Variants in RLN2 observed in about 807,000 individuals in gnomAD.
RLN2 encodes relaxin 2.
Under a neutral mutation model 7.3 loss-of-function variants are expected in RLN2, and 10 were observed. The ratio of observed to expected loss-of-function variants is 1.36; its 90% CI spans 0.84 to 2.31. The LOEUF is 2.31. Ranked by LOEUF, RLN2 falls within the 30% of genes most tolerant of loss-of-function variation. The probability of loss-of-function intolerance (pLI) is 0.00; values close to 1 mark genes in which losing one functional copy is unlikely to be tolerated. For missense variants in RLN2, 298 were observed against 217.6 expected (o/e 1.37, Z -2.32); for synonymous variants, 103 against 82.3 (o/e 1.25, Z -1.36).
chr9:5,316,836 A>G, the RLN2 span, among the ~76,000 whole-genome samples: 1 of 152,056 alleles, frequency 6.6e-6, no homozygotes, highest in African/African-American at 2.4e-5. Context: ...GTCAAATGGT[A>G]TTTCTGGTTC....
At chr9:5,317,357 CAGG>C in the RLN2 span, among the ~76,000 whole-genome samples, 1 of 151,066 alleles carries the variant, frequency 6.6e-6, no homozygotes, top group Non-Finnish European at 1.5e-5. Context: ...GAGGCTGAAA[CAGG>C]AGAATTGCTT....
At chr9:5,310,537 T>G in the RLN2 span, among the ~76,000 whole-genome samples, 1 of 152,032 alleles carries the variant, frequency 6.6e-6, no homozygotes, top group African/African-American at 2.4e-5. Context: ...CCCCCAATCG[T>G]GCATGGCTCC....
At chr9:5,316,507 G>T in the RLN2 span, among the ~76,000 whole-genome samples, 10 of 151,874 alleles carry the variant, frequency 6.6e-5, no homozygotes, top group African/African-American at 2.4e-4. Flanking sequence ...TGTTCTCATT[G>T]TTCAATTCCC....
chr9:5,306,955 C>A (rs540805727), upstream of RLN2, among the ~76,000 whole-genome samples: 4 of 151,996 alleles, frequency 2.6e-5, no homozygotes, highest in African/African-American at 9.7e-5. Context: ...TCTGGGAAAG[C>A]CTTTATTTCC....
At chr9:5,305,426 G>C (rs905159934), upstream of RLN2, among the ~76,000 whole-genome samples, 10 of 142,932 alleles carry the variant, frequency 7.0e-5, no homozygotes, top group African/African-American at 1.6e-4. Flanking sequence ...GAGAGAGAGA[G>C]AAGAAAAAAA....
upstream of RLN2, among the ~76,000 whole-genome samples, chr9:5,306,156 G>T (rs1413966239): frequency 6.8e-6 from 1 of 146,962 alleles, no homozygotes; most frequent in Non-Finnish European, 1.5e-5. Context: ...TCGCCAGGCT[G>T]GAGTGCAATG....
the RLN2 span, among the ~76,000 whole-genome samples, chr9:5,327,115 G>C: frequency 6.6e-6 from 1 of 152,046 alleles, no homozygotes; most frequent in African/African-American, 2.4e-5. Flanking sequence ...GGAAATGCAA[G>C]GTTGGGGAGG....
At chr9:5,335,622 A>C in the RLN2 span, 1 of 1,487,584 alleles carries the variant, frequency 6.7e-7, no homozygotes, top group Non-Finnish European at 9.3e-7. Context: ...AAAAAAGTGT[A>C]TGTGAAGGCG....
At chr9:5,300,719 G>C (rs535351732) in intron 1 of RLN2, among the ~76,000 whole-genome samples, 3 of 152,158 alleles carry the variant, frequency 2.0e-5, no homozygotes, top group East Asian at 1.9e-4. Flanking sequence ...TAGTACTTTT[G>C]ACTCTCCCTG....
the RLN2 span, among the ~76,000 whole-genome samples, chr9:5,331,488 T>C: frequency 1.3e-5 from 2 of 151,874 alleles, no homozygotes; most frequent in Non-Finnish European, 2.9e-5. Flanking sequence ...TATGCAGCCA[T>C]AAAAAAGGAT....
chr9:5,315,720 T>C, the RLN2 span, among the ~76,000 whole-genome samples: 2 of 152,038 alleles, frequency 1.3e-5, no homozygotes, highest in Non-Finnish European at 2.9e-5. Context: ...AAATCATATA[T>C]GAGAGGATTC....
At chr9:5,329,211 G>C in the RLN2 span, among the ~76,000 whole-genome samples, 3 of 149,412 alleles carry the variant, frequency 2.0e-5, no homozygotes, top group Admixed American at 2.0e-4. Flanking sequence ...GCTGAGGCAG[G>C]AGAATGGCGT....
At chr9:5,310,383 C>G in the RLN2 span, among the ~76,000 whole-genome samples, 1 of 151,920 alleles carries the variant, frequency 6.6e-6, no homozygotes, top group Non-Finnish European at 1.5e-5. Context: ...CCCTGTACCT[C>G]TCCCCTACAC....
the RLN2 span, among the ~76,000 whole-genome samples, chr9:5,309,904 A>G: frequency 6.6e-6 from 1 of 151,936 alleles, no homozygotes; most frequent in Non-Finnish European, 1.5e-5. Flanking sequence ...TATAAAATGA[A>G]CTGAGTCCCC....
chr9:5,307,346 C>G (rs569600465), upstream of RLN2, among the ~76,000 whole-genome samples: 1 of 151,500 alleles, frequency 6.6e-6, no homozygotes, highest in African/African-American at 2.4e-5. Context: ...TATATATGTG[C>G]AAAATACATT....
At chr9:5,335,078 T>G in the RLN2 span, 1 of 502,144 alleles carries the variant, frequency 2.0e-6, no homozygotes. Context: ...AAGTGTCATT[T>G]ACAGAAACTA....
chr9:5,307,007 T>C (rs1326060527), upstream of RLN2, among the ~76,000 whole-genome samples: 1 of 151,980 alleles, frequency 6.6e-6, no homozygotes, highest in African/African-American at 2.4e-5. Flanking sequence ...CTTTCCTTCC[T>C]GAAGCAGACA....
rs1392015408 is a variant in RLN2, at chr9:5,300,031, A to C, written c.*67T>G. On this transcript the variant is annotated 3_prime_UTR_variant, in exon 2 of 2. Coordinates refer to ENST00000381627, the MANE Select transcript of RLN2 (RefSeq NM_134441.3). ...CTAAGAATTGATGGGACCTGATAGA[A>C]GCATCAGTGAAATGTCATTAAGAAT... 1 of 962,288 alleles carries C rather than the reference A, an allele frequency of 1.0e-6. No individual in the cohort carries two copies. 59.6% of individuals were successfully genotyped at this position (962,288 alleles called of 1,614,324 possible). A position where few individuals can be genotyped will look rare whatever the true frequency, so the allele number is the denominator to read the frequency against.
the RLN2 span, among the ~76,000 whole-genome samples, chr9:5,319,657 T>C: frequency 8.6e-5 from 13 of 151,992 alleles, no homozygotes; most frequent in Non-Finnish European, 1.9e-4. Flanking sequence ...GTCAAAGGCA[T>C]GATGTTAGTT....
Sources: allele counts gnomAD v4.1 joint callset (sites outside exome capture counted in the v4.1 genomes callset), GRCh38; gene constraint gnomAD v4.1.1; transcripts MANE v1.5; gene names NCBI Gene and HGNC (gene_info 2026-07-23, HGNC 2026-07-21).